Variants in USP31 observed in about 807,000 individuals in gnomAD.
USP31 encodes ubiquitin specific peptidase 31.
A neutral mutation model predicts 119.4 loss-of-function variants in USP31; 44 were observed. The observed-to-expected ratio is 0.37, with a 90% CI of 0.29 to 0.47. The LOEUF (loss-of-function observed/expected upper bound fraction) is 0.47, where lower values mean the gene tolerates loss of function less well. USP31 is among the 20% of genes least tolerant of loss of function. USP31 has a pLI of 0.99. For missense variants in USP31, 1,643 were observed against 1,730.2 expected (o/e 0.95, Z 0.89); for synonymous variants, 749 against 705.6 (o/e 1.06, Z -0.97).
chr16:23,148,057 TAGC>T lies in USP31; in HGVS notation c.633+578_633+580del, dbSNP rs149822806. Among the ~76,000 whole-genome samples the T allele has an allele frequency of 5.5e-3, 838 of 152,308 alleles. 40 individuals are homozygous for T. In the East Asian group the frequency reaches 0.11, roughly 20 times the overall value. On this transcript the variant is annotated intron_variant, in intron 1 of 15. Transcript: ENST00000219689. The stretch of plus-strand genomic sequence containing the variant: ...TTCAAGTCTTTAATAACAAAAATAA[TAGC>T]AGCAAATACACATGATATGGAAGTA...
intron 1 of USP31, among the ~76,000 whole-genome samples, chr16:23,128,634 TAAA>T (rs1201511820): frequency 1.3e-5 from 2 of 152,110 alleles, no homozygotes; most frequent in East Asian, 3.9e-4. Flanking sequence ...AGCTAACAAG[TAAA>T]AAAGGAATGT....
At chr16:23,080,870 C>T (rs1015058817) in intron 12 of USP31, among the ~76,000 whole-genome samples, 5 of 152,110 alleles carry the variant, frequency 3.3e-5, no homozygotes, top group African/African-American at 1.2e-4. Context: ...GATGATGGGT[C>T]CTGGGTGGTC....
At position 23,065,322 on chromosome 16, in the gene USP31, TAAAAAAA is replaced by T. The variant is rs575145264; in HGVS notation, c.*2717_*2723del. ...TTGTGCTAAATATTGCTGGGAAAAT[TAAAAAAA>T]AAAAAAAAAAGAAAAGAAAGAAAGA... On this transcript the variant is annotated 3_prime_UTR_variant, in exon 16 of 16. Transcript: ENST00000219689. The T allele has an allele frequency of 7.3e-5, 8 of 108,862 alleles. No homozygotes were observed. Among genetic ancestry groups the T allele is most frequent in the East Asian group, 2.4e-4 (1 of 4,096 alleles). 6.7% of individuals were successfully genotyped at this position (108,862 alleles called of 1,614,324 possible).
At chr16:23,148,580 C>T in intron 1 of USP31, 58 bp downstream of exon 1, 1 of 1,405,222 alleles carries the variant, frequency 7.1e-7, no homozygotes, top group African/African-American at 1.5e-5. Flanking sequence ...AAGACCTGGG[C>T]GGGCAGGTGC....
At chr16:23,144,899 G>T (rs558530902) in intron 1 of USP31, among the ~76,000 whole-genome samples, 77 of 152,278 alleles carry the variant, frequency 5.1e-4, no homozygotes, top group African/African-American at 1.4e-3. Flanking sequence ...ATAAAAAGGG[G>T]AAAAGAATCT....
intron 12 of USP31, among the ~76,000 whole-genome samples, chr16:23,080,489 CT>C (rs1453890390): frequency 6.6e-6 from 1 of 152,128 alleles, no homozygotes; most frequent in Non-Finnish European, 1.5e-5. Context: ...GTGGCTCTTC[CT>C]GATACCTCTG....
intron 7 of USP31, among the ~76,000 whole-genome samples, chr16:23,088,340 C>A (rs1242976947): frequency 2.0e-5 from 3 of 152,164 alleles, no homozygotes; most frequent in Non-Finnish European, 4.4e-5. Flanking sequence ...TTGGCCTCAG[C>A]TGCACAGACC....
chr16:23,109,480 G>A (rs1402622863), intron 1 of USP31, among the ~76,000 whole-genome samples: 5 of 152,150 alleles, frequency 3.3e-5, no homozygotes, highest in Non-Finnish European at 5.9e-5. Context: ...CAAATAGGGA[G>A]AAGAGGCAAA....
Position 23,103,744 on chromosome 16 carries a change from G to T in USP31, c.1090-1281C>A, listed in dbSNP as rs182320230. 4.0e-4 allele frequency among the ~76,000 whole-genome samples: 61 copies of T among 152,186 alleles called. 1 individual carries two copies. The highest frequency in any genetic ancestry group is 1.5e-3 in the African/African-American group (61 of 41,522). On this transcript the variant is annotated intron_variant, in intron 5 of 15. Coordinates refer to ENST00000219689, the MANE Select transcript of USP31 (RefSeq NM_020718.4). ...AGCCTGGGCAACATGCCAAAACCTC[G>T]TCTCTACGAAAAATACAAAAATCAG...
chr16:23,070,872 A>G (rs2141827919), intron 15 of USP31, among the ~76,000 whole-genome samples: 1 of 152,318 alleles, frequency 6.6e-6, no homozygotes, highest in South Asian at 2.1e-4. Context: ...AACAGGCTCT[A>G]TTCTGTGGGC....
chr16:23,111,896 A>G (rs1349350578), intron 1 of USP31, among the ~76,000 whole-genome samples: 1 of 152,246 alleles, frequency 6.6e-6, no homozygotes, highest in Non-Finnish European at 1.5e-5. Context: ...ATTCCAATTA[A>G]GACAACGATA....
At chr16:23,121,022 A>G (rs1451860828) in intron 1 of USP31, among the ~76,000 whole-genome samples, 1 of 152,176 alleles carries the variant, frequency 6.6e-6, no homozygotes, top group African/African-American at 2.4e-5. Flanking sequence ...TGAACAGCCG[A>G]TTTTATAAGG....
intron 15 of USP31, 56 bp downstream of exon 15, chr16:23,071,989 T>C: frequency 6.4e-7 from 1 of 1,563,394 alleles, no homozygotes; most frequent in South Asian, 1.2e-5. Flanking sequence ...CACGAGGGAC[T>C]CTGCTGTGTC....
rs759005734 is a variant in USP31, at chr16:23,068,160, T to G, written c.3945A>C (p.Gln1315His). The part of the protein sequence containing the change: ...LLSARKSKSS[Q>H]LDSGVPSSPG... ...GAGACGAGGGAACTCCAGAGTCTAG[T>G]TGGGAAGACTTGGATTTGCGAGCGG... The change falls in exon 16 of 16, where the codon CAA (glutamine) becomes CAC (histidine). Residue 1315 changes from glutamine to histidine, a missense_variant. Physicochemically the swap from Gln to His is conservative, Grantham distance 24 (BLOSUM62 0). This residue lies in a region of USP31 where 699 missense variants were observed against 650.9 expected (regional missense o/e 1.07). Transcript: ENST00000219689. 6.2e-6 allele frequency: 10 copies of G among 1,614,054 alleles called. No individual in the cohort carries two copies. The highest frequency in any genetic ancestry group is 8.5e-6 in the Non-Finnish European group (10 of 1,180,044).
Position 23,069,520 on chromosome 16 carries a change from C to A in USP31, c.2585G>T (p.Cys862Phe), listed in dbSNP as rs757356437. 1.3e-5 allele frequency: 21 copies of A among 1,614,084 alleles called. No homozygotes were observed. In the Admixed American group the frequency reaches 1.7e-4, roughly 13 times the overall value. ...VTSPLAVNEN[C>F]MRPSWSLSAK... ...AGACAGGGACCATGAAGGTCTCATG[C>A]AATTTTCATTGACGGCCAAGGGGCT... Residue 862 changes from cysteine to phenylalanine, a missense_variant, in exon 16 of 16, where the codon TGC (cysteine) becomes TTC (phenylalanine). Physicochemically the swap from Cys to Phe is radical, Grantham distance 205. Around this residue, in one of 5 missense-constraint regions of USP31, gnomAD observed 699 missense variants for 650.9 expected, o/e 1.07. Coordinates refer to ENST00000219689, the MANE Select transcript of USP31 (RefSeq NM_020718.4).
At chr16:23,099,630 A>C (rs1048828253) in intron 6 of USP31, among the ~76,000 whole-genome samples, 3 of 152,240 alleles carry the variant, frequency 2.0e-5, no homozygotes, top group African/African-American at 7.2e-5. Context: ...TGGATTTGAT[A>C]AAGTGTCAGA....
intron 1 of USP31, among the ~76,000 whole-genome samples, chr16:23,111,826 A>G (rs1475332853): frequency 6.6e-6 from 1 of 152,230 alleles, no homozygotes; most frequent in Non-Finnish European, 1.5e-5. Flanking sequence ...AAGGGTGATC[A>G]ACAGTGTGAA....
At chr16:23,142,677 C>T (rs986973405) in intron 1 of USP31, among the ~76,000 whole-genome samples, 1 of 152,182 alleles carries the variant, frequency 6.6e-6, no homozygotes, top group African/African-American at 2.4e-5. Context: ...ACACCACATC[C>T]AAGTCTGCTT....
At position 23,131,766 on chromosome 16, in the gene USP31, G is replaced by A. The variant is rs113795097; in HGVS notation, c.633+16872C>T. The stretch of plus-strand genomic sequence containing the variant: ...ATGATATGGCCCTACACAAATAAGC[G>A]GCATTTCCATCACTGTGATTATTAT... On this transcript the variant is annotated intron_variant, in intron 1 of 15. Coordinates refer to ENST00000219689, the MANE Select transcript of USP31 (RefSeq NM_020718.4). Among the ~76,000 whole-genome samples the A allele has an allele frequency of 6.1e-3, 924 of 152,108 alleles. 7 individuals carry two copies. Among genetic ancestry groups the A allele is most frequent in the African/African-American group, 0.021 (870 of 41,492 alleles).
Sources: gnomAD v4.1 joint callset for allele counts (sites outside exome capture counted in the v4.1 genomes callset) on GRCh38, gnomAD v4.1.1 for gene constraint, gnomAD v4.1.1 regional missense constraint, MANE v1.5 for transcripts, NCBI Gene and HGNC (gene_info 2026-07-23, HGNC 2026-07-21) for gene names.